BBS9: variants seen among roughly 807,000 people sequenced by gnomAD.
BBS9 encodes protein PTHB1.
A neutral mutation model predicts 117.7 loss-of-function variants in BBS9; 89 were observed. The ratio of observed to expected loss-of-function variants is 0.76; its 90% CI spans 0.64 to 0.90. The LOEUF (loss-of-function observed/expected upper bound fraction) is 0.90. BBS9 is among the 40% of genes least tolerant of loss of function. BBS9 has a pLI of 0.00. For missense variants in BBS9, 982 were observed against 1,042.2 expected (o/e 0.94, Z 0.80); for synonymous variants, 379 against 370.9 (o/e 1.02, Z -0.25).
intron 17 of BBS9, among the ~76,000 whole-genome samples, chr7:33,370,825 C>T (rs2128720962): frequency 6.6e-6 from 1 of 152,290 alleles, no homozygotes; most frequent in East Asian, 1.9e-4. Context: ...TCTTGCCTCT[C>T]TCTGGTTCTG....
intron 16 of BBS9, among the ~76,000 whole-genome samples, chr7:33,367,138 G>A (rs775962022): frequency 2.0e-5 from 3 of 152,092 alleles, no homozygotes; most frequent in Non-Finnish European, 2.9e-5. Flanking sequence ...CTTTCCTTTA[G>A]TAGTTGTTAT....
At chr7:33,151,549 T>G (rs1269551330) in intron 2 of BBS9, among the ~76,000 whole-genome samples, 2 of 145,236 alleles carry the variant, frequency 1.4e-5, no homozygotes. Flanking sequence ...AGGGTTATTA[T>G]GAGGATTTTT....
At chr7:33,345,103 CTTAACT>C (rs1203222594) in intron 12 of BBS9, among the ~76,000 whole-genome samples, 1 of 152,072 alleles carries the variant, frequency 6.6e-6, no homozygotes, top group East Asian at 1.9e-4. Flanking sequence ...ATCTCTCTGC[CTTAACT>C]TTAAGTGGAT....
chr7:33,446,383 G>A (rs1478872147), intron 19 of BBS9, among the ~76,000 whole-genome samples: 1 of 152,078 alleles, frequency 6.6e-6, no homozygotes, highest in African/African-American at 2.4e-5. Context: ...TAATTATTAA[G>A]CAATATTATT....
intron 5 of BBS9, among the ~76,000 whole-genome samples, chr7:33,190,172 T>C (rs1198737874): frequency 6.8e-6 from 1 of 146,052 alleles, no homozygotes; most frequent in Non-Finnish European, 1.5e-5. Context: ...CAGGCTGGAG[T>C]GCAGTGGCGC....
At chr7:33,420,124 G>A (rs12530700) in intron 19 of BBS9, among the ~76,000 whole-genome samples, 27,582 of 152,134 alleles carry the variant, frequency 0.18, 3,346 homozygotes, top group Admixed American at 0.33. Flanking sequence ...GAGACAATTT[G>A]TTGGTTTTGA....
At chr7:33,366,534 C>T (rs866393768) in intron 16 of BBS9, among the ~76,000 whole-genome samples, 233 of 124,728 alleles carry the variant, frequency 1.9e-3, no homozygotes, top group Middle Eastern at 8.5e-3. Context: ...TTTTTTTTTT[C>T]TTTTCTTTCT....
intron 21 of BBS9, among the ~76,000 whole-genome samples, chr7:33,572,152 A>G (rs753905473): frequency 1.6e-4 from 25 of 152,084 alleles, no homozygotes; most frequent in Non-Finnish European, 3.2e-4. Flanking sequence ...TGAGGTCAAT[A>G]TTTTAGCTTC....
intron 19 of BBS9, among the ~76,000 whole-genome samples, chr7:33,495,763 C>A (rs1265493142): frequency 6.6e-6 from 1 of 152,094 alleles, no homozygotes; most frequent in Non-Finnish European, 1.5e-5. Context: ...GTATTTTTAA[C>A]TTTATATTAG....
intron 21 of BBS9, among the ~76,000 whole-genome samples, chr7:33,577,995 T>C (rs1273908162): frequency 6.6e-6 from 1 of 152,234 alleles, no homozygotes; most frequent in African/African-American, 2.4e-5. Flanking sequence ...GGCACATGTA[T>C]ACCTATGTAA....
At chr7:33,367,883 A>G (rs1166892992) in intron 17 of BBS9, 21 bp downstream of exon 17, 2 of 1,604,734 alleles carry the variant, frequency 1.2e-6, no homozygotes, top group East Asian at 2.2e-5. Context: ...CCATGTTATC[A>G]TTGCTTTTTA....
chr7:33,443,882 G>A (rs1009365182), intron 19 of BBS9, among the ~76,000 whole-genome samples: 5 of 152,176 alleles, frequency 3.3e-5, no homozygotes, highest in South Asian at 4.1e-4. Flanking sequence ...ATGAGTTACC[G>A]AAACAGGGAG....
intron 1 of BBS9, among the ~76,000 whole-genome samples, chr7:33,135,677 C>A (rs1019552995): frequency 3.7e-4 from 56 of 152,098 alleles, no homozygotes; most frequent in African/African-American, 1.3e-3. Context: ...CTGGAAATTC[C>A]ATACAAATTT....
intron 21 of BBS9, among the ~76,000 whole-genome samples, chr7:33,552,997 C>T (rs779677688): frequency 1.1e-4 from 16 of 152,118 alleles, no homozygotes; most frequent in African/African-American, 2.7e-4. Flanking sequence ...ACTCACCAAG[C>T]GTTTTCCTGC....
intron 19 of BBS9, among the ~76,000 whole-genome samples, chr7:33,461,104 G>A (rs1839406011): frequency 6.6e-6 from 1 of 151,912 alleles, no homozygotes; most frequent in Non-Finnish European, 1.5e-5. Context: ...CCATTATGTG[G>A]CTGTACCATG....
chr7:33,413,229 G>C (rs898085853), intron 19 of BBS9, among the ~76,000 whole-genome samples: 3 of 152,198 alleles, frequency 2.0e-5, no homozygotes, highest in Non-Finnish European at 4.4e-5. Context: ...CACTCCTACT[G>C]TCAGCTGTTT....
At chr7:33,620,317 T>A (rs1430463084) in intron 21 of BBS9, among the ~76,000 whole-genome samples, 1 of 152,002 alleles carries the variant, frequency 6.6e-6, no homozygotes, top group Non-Finnish European at 1.5e-5. Flanking sequence ...TAATCTTGTG[T>A]ATAGTAAATC....
chr7:33,246,491 T>C (rs916817853), intron 5 of BBS9, among the ~76,000 whole-genome samples: 2 of 152,144 alleles, frequency 1.3e-5, no homozygotes, highest in Admixed American at 6.6e-5. Flanking sequence ...GGAATATTTA[T>C]ACAAAATAAA....
At chr7:33,158,009 T>A (rs1477263394) in intron 4 of BBS9, among the ~76,000 whole-genome samples, 1 of 152,186 alleles carries the variant, frequency 6.6e-6, no homozygotes, top group African/African-American at 2.4e-5. Context: ...CCGTACTGAT[T>A]ATGTTGTTTT....
Sources: gnomAD v4.1 joint callset for allele counts (sites outside exome capture counted in the v4.1 genomes callset) on GRCh38, gnomAD v4.1.1 for gene constraint, MANE v1.5 for transcripts, NCBI Gene and HGNC (gene_info 2026-07-23, HGNC 2026-07-21) for gene names.